The following FNBP4 variants were observed in gnomAD, a reference collection of about 807,000 sequenced individuals.
FNBP4 encodes the protein formin-binding protein 4.
FNBP4 carries 34 observed loss-of-function variants against 119.3 expected under a neutral mutation model. The observed-to-expected ratio is 0.28, with a 90% confidence interval of 0.22 to 0.38. The LOEUF (loss-of-function observed/expected upper bound fraction) is 0.38. Ranked by LOEUF, FNBP4 falls within the 10% of genes least tolerant of loss-of-function variation. The pLI is 1.00. For synonymous variants in FNBP4, 462 were observed against 430.6 expected, an observed-to-expected ratio of 1.07 and a Z score of -0.90; for missense variants, 1,112 against 1,228.9, an observed-to-expected ratio of 0.90 and a Z score of 1.42.
In FNBP4 at chr11:47,732,820, C is replaced by A; in HGVS notation, c.1687-150G>T. 1 of 754,282 alleles carries A rather than the reference C, an allele frequency of 1.3e-6. No individual in the cohort carries two copies. Among genetic ancestry groups the A allele is most frequent in the Non-Finnish European group, 2.1e-6 (1 of 468,414 alleles). The allele number at this position is 754,282 out of a possible 1,614,324, so 46.7% of individuals were successfully genotyped here. ...AGGAAAATAAACCCCATCTTCATCT[C>A]ATAAAATAATCTTAAGGCCGGGCAT... On this transcript the variant is annotated intron_variant, in intron 10 of 16. Coordinates refer to ENST00000263773, the MANE Select transcript of FNBP4 (RefSeq NM_015308.5). The surrounding 1 kb of genome is among the most constrained non-coding windows in gnomAD (Gnocchi z 4.2).
chr11:47,731,576 A>G lies in FNBP4; in HGVS notation c.1821-15T>C, dbSNP rs1341107024. The G allele has an allele frequency of 6.3e-7, 1 of 1,594,532 alleles. No homozygotes were observed. Among genetic ancestry groups the G allele is most frequent in the South Asian group, 1.1e-5 (1 of 87,920 alleles). On this transcript the variant is annotated splice_polypyrimidine_tract_variant and intron_variant, in intron 11 of 16. Transcript: ENST00000263773. ...GTCTATGATCCCTAAATTACAAGAAAGAAAACACATGTTTTAAAACCCGTT... is the reference window on the plus strand; with the variant it reads ...GTCTATGATCCCTAAATTACAAGAAGGAAAACACATGTTTTAAAACCCGTT...
chr11:47,767,117 T>A lies in FNBP4; in HGVS notation c.172A>T (p.Thr58Ser), dbSNP rs1338130809. The A allele has an allele frequency of 1.9e-6, 1 of 516,388 alleles. No individual in the cohort carries two copies. The highest frequency in any genetic ancestry group is 5.2e-5 in the South Asian group (1 of 19,152). The allele number at this position is 516,388 out of a possible 1,614,324, so 32.0% of individuals were successfully genotyped here. A position where few individuals can be genotyped will look rare whatever the true frequency, so the allele number is the denominator to read the frequency against. ...GCCGCGGCGGCAGTCACCGCGGTGG[T>A]GGTGGTCGTCGCCGCCGACGGGGCG... is the stretch of plus-strand genomic sequence containing the variant. Reference protein sequence around the residue: ...QPAPSAATTTTTAVTAAAASD... With the variant: ...QPAPSAATTTSTAVTAAAASD... Residue 58 changes from threonine (T) to serine (S), a missense_variant, in exon 1 of 17, where the codon ACC (threonine) becomes TCC (serine). Transcript: ENST00000263773.
intron 3 of FNBP4, 94 bp downstream of exon 3, chr11:47,754,434 G>T (rs2097611658): frequency 8.6e-7 from 1 of 1,165,724 alleles, no homozygotes; most frequent in Non-Finnish European, 1.2e-6. Flanking sequence ...GAAAGGAGGA[G>T]GAAGACATTG....
At chr11:47,745,981 G>A in intron 7 of FNBP4, 75 bp downstream of exon 7, 2 of 1,258,018 alleles carry the variant, frequency 1.6e-6, no homozygotes, top group Middle Eastern at 2.0e-4. Context: ...AATAATGGTT[G>A]TAAGTCAAGC....
chr11:47,720,767 A>T (rs1323207489), intron 15 of FNBP4, among the ~76,000 whole-genome samples: 11 of 86,892 alleles, frequency 1.3e-4, no homozygotes, highest in East Asian at 4.2e-4. Context: ...CAAGTGATTT[A>T]AAAAAAAAAA....
rs138409547 is a variant in FNBP4 at position 47,739,553 on chromosome 11, T to G, written c.1457-2813A>C. Among the ~76,000 whole-genome samples the G allele has an allele frequency of 5.9e-5, 9 of 152,302 alleles. No homozygotes were observed. In the East Asian group the frequency reaches 1.7e-3, roughly 29 times the overall value. On this transcript the variant is annotated intron_variant, in intron 8 of 16. Coordinates refer to ENST00000263773, the MANE Select transcript of FNBP4 (RefSeq NM_015308.5). ...AATCTTTACTGCTGTGAAACTAGAATGTACATAAAATATATTCATCAGGAT... is the reference window on the plus strand; with the variant it reads ...AATCTTTACTGCTGTGAAACTAGAAGGTACATAAAATATATTCATCAGGAT...
At chr11:47,739,201 G>C (rs2097578361) in intron 8 of FNBP4, among the ~76,000 whole-genome samples, 1 of 151,800 alleles carries the variant, frequency 6.6e-6, no homozygotes, top group Admixed American at 6.6e-5. Flanking sequence ...CAGAATGCTG[G>C]GATTAAAGCT....
intron 2 of FNBP4, among the ~76,000 whole-genome samples, chr11:47,755,568 T>G (rs565732030): frequency 2.4e-4 from 36 of 151,618 alleles, no homozygotes; most frequent in African/African-American, 7.7e-4. Flanking sequence ...GAAGATCATT[T>G]GAGCCCAGAA....
intron 14 of FNBP4, 145 bp downstream of exon 14, chr11:47,723,879 GTTTT>G: frequency 5.4e-6 from 3 of 558,930 alleles, no homozygotes; most frequent in Non-Finnish European, 5.5e-6. Flanking sequence ...ACTGTCAAAA[GTTTT>G]TTTTTTTTTT....
intron 2 of FNBP4, among the ~76,000 whole-genome samples, chr11:47,759,184 T>A (rs2097627242): frequency 6.7e-6 from 1 of 149,376 alleles, no homozygotes; most frequent in East Asian, 2.0e-4. Context: ...CCTCCCAAAG[T>A]GCTGGGATTA....
intron 6 of FNBP4, among the ~76,000 whole-genome samples, chr11:47,750,097 G>T (rs904719823): frequency 1.3e-5 from 2 of 151,962 alleles, no homozygotes; most frequent in African/African-American, 4.8e-5. Flanking sequence ...AAGTGAAGTG[G>T]GCCAGCTGCA....
Position 47,767,296 on chromosome 11 carries a change from C to A in FNBP4, c.-8G>T. ...CCGGGACTTCTTCCCCATCGCGAGC[C>A]CAAGCGCGAGCAGAGAGCGTCGGGC... is the stretch of plus-strand genomic sequence containing the variant. On this transcript the variant is annotated 5_prime_UTR_variant, in exon 1 of 17. Coordinates refer to ENST00000263773, the MANE Select transcript of FNBP4 (RefSeq NM_015308.5). 5 of 1,502,172 alleles carry A rather than the reference C, an allele frequency of 3.3e-6. No individual in the cohort carries two copies. Among genetic ancestry groups the A allele is most frequent in the Non-Finnish European group, 4.4e-6 (5 of 1,132,106 alleles). 93.1% of individuals were successfully genotyped at this position (1,502,172 alleles called of 1,614,324 possible).
intron 8 of FNBP4, among the ~76,000 whole-genome samples, chr11:47,740,167 C>T (rs1463663306): frequency 6.6e-6 from 1 of 151,890 alleles, no homozygotes; most frequent in African/African-American, 2.4e-5. Flanking sequence ...GTAATCCAAG[C>T]ACTTTGGGAG....
chr11:47,733,561 C>T lies in FNBP4; in HGVS notation c.1686+464G>A, dbSNP rs2097570100. 2.0e-5 allele frequency among the ~76,000 whole-genome samples: 3 copies of T among 152,116 alleles called. No individual in the cohort carries two copies. In the South Asian group the frequency reaches 6.2e-4, roughly 32 times the overall value. ...TGTTGGTCAGGCTGGTCTCGAACTC[C>T]TGACCTTGGTGATCTACCTGCCCCG... On this transcript the variant is annotated intron_variant, in intron 10 of 16. Transcript: ENST00000263773.
intron 6 of FNBP4, among the ~76,000 whole-genome samples, chr11:47,747,193 T>G (rs149832964): frequency 6.6e-6 from 1 of 151,992 alleles, no homozygotes; most frequent in African/African-American, 2.4e-5. Context: ...GATGCACCAC[T>G]ACACCCAGCT....
chr11:47,766,112 G>A (rs919755467), intron 1 of FNBP4, among the ~76,000 whole-genome samples: 4 of 152,054 alleles, frequency 2.6e-5, no homozygotes, highest in Non-Finnish European at 5.9e-5. Flanking sequence ...GAGCCCTGGA[G>A]TTCGAGACCA....
At chr11:47,743,439 T>C (rs1471288442) in intron 8 of FNBP4, among the ~76,000 whole-genome samples, 1 of 151,916 alleles carries the variant, frequency 6.6e-6, no homozygotes, top group Non-Finnish European at 1.5e-5. Context: ...GCCAAGATCA[T>C]GCCTTTGTAC....
At chr11:47,754,223 A>G (rs1473340769) in intron 3 of FNBP4, among the ~76,000 whole-genome samples, 2 of 150,920 alleles carry the variant, frequency 1.3e-5, no homozygotes, top group Non-Finnish European at 3.0e-5. Context: ...AAAAAAAAAA[A>G]GGAGAGACAG....
At chr11:47,738,293 A>C (rs1343112454) in intron 8 of FNBP4, among the ~76,000 whole-genome samples, 21 of 152,044 alleles carry the variant, frequency 1.4e-4, no homozygotes, top group Admixed American at 1.4e-3. Flanking sequence ...ATGGCCGGGC[A>C]TGGTGCCTCA....
Sources: allele counts gnomAD v4.1 joint callset (sites outside exome capture counted in the v4.1 genomes callset), GRCh38; gene constraint gnomAD v4.1.1; non-coding constraint Gnocchi (gnomAD v3.1); transcripts MANE v1.5; gene names NCBI Gene and HGNC (gene_info 2026-07-23, HGNC 2026-07-21).